The following CEP112 variants were observed in gnomAD, a reference collection of about 807,000 sequenced individuals.
CEP112 encodes the protein centrosomal protein 112.
CEP112 carries 127 observed loss-of-function variants against 153.0 expected under a neutral mutation model. The ratio of observed to expected loss-of-function variants is 0.83; its 90% confidence interval spans 0.72 to 0.96. The LOEUF is 0.96. Among genes scored for constraint, CEP112 ranks in the 40% least tolerant of loss-of-function variants. CEP112 has a pLI of 0.00. For synonymous variants in CEP112, 358 were observed against 374.4 expected (o/e 0.96, Z 0.51); for missense variants, 1,089 against 1,101.2 (o/e 0.99, Z 0.16).
At chr17:65,781,658 A>G (rs1484825505) in intron 21 of CEP112, among the ~76,000 whole-genome samples, 1 of 152,206 alleles carries the variant, frequency 6.6e-6, no homozygotes, top group Non-Finnish European at 1.5e-5. Flanking sequence ...AAACAGACAC[A>G]TCGATTCATG....
intron 24 of CEP112, among the ~76,000 whole-genome samples, chr17:65,659,901 G>T (rs2046258141): frequency 2.6e-5 from 4 of 152,186 alleles, no homozygotes; most frequent in Admixed American, 2.6e-4. Context: ...GGACATTGAA[G>T]AATGAGTAGG....
chr17:65,840,891 A>G (rs1598747912), intron 21 of CEP112, among the ~76,000 whole-genome samples: 1 of 152,118 alleles, frequency 6.6e-6, no homozygotes, highest in South Asian at 2.1e-4. Flanking sequence ...CCAACAGGGC[A>G]TGTGAAAAAA....
chr17:65,756,553 G>C (rs1438865892), intron 21 of CEP112, among the ~76,000 whole-genome samples: 1 of 151,934 alleles, frequency 6.6e-6, no homozygotes, highest in Non-Finnish European at 1.5e-5. Context: ...GATCACAGTA[G>C]TTTGGCAACA....
chr17:65,795,192 C>T (rs2054840051), intron 21 of CEP112, among the ~76,000 whole-genome samples: 1 of 152,152 alleles, frequency 6.6e-6, no homozygotes, highest in South Asian at 2.1e-4. Flanking sequence ...GAAGCCAGGT[C>T]AGCCAGTCTC....
chr17:65,828,778 T>C (rs1430443037), intron 21 of CEP112, among the ~76,000 whole-genome samples: 1 of 152,126 alleles, frequency 6.6e-6, no homozygotes, highest in East Asian at 1.9e-4. Flanking sequence ...AAAATCCATG[T>C]GATTATGATG....
intron 21 of CEP112, among the ~76,000 whole-genome samples, chr17:65,824,497 T>G (rs1260584658): frequency 6.6e-6 from 1 of 152,224 alleles, no homozygotes; most frequent in Non-Finnish European, 1.5e-5. Flanking sequence ...TGTCAAAACT[T>G]GCAGAACTGC....
chr17:66,036,838 A>T (rs2065761031), intron 12 of CEP112, among the ~76,000 whole-genome samples: 1 of 152,234 alleles, frequency 6.6e-6, no homozygotes, highest in Non-Finnish European at 1.5e-5. Context: ...TCATTTCAAA[A>T]CATAAAGTAA....
chr17:65,649,185 CA>C (rs1482485956), intron 24 of CEP112, among the ~76,000 whole-genome samples: 1 of 151,482 alleles, frequency 6.6e-6, no homozygotes, highest in Non-Finnish European at 1.5e-5. Context: ...TATAATAAAA[CA>C]AAAACTAAGA....
intron 10 of CEP112, among the ~76,000 whole-genome samples, chr17:66,064,871 C>A (rs1418123499): frequency 6.6e-6 from 1 of 151,988 alleles, no homozygotes; most frequent in African/African-American, 2.4e-5. Context: ...GAGAAAAAAC[C>A]TAAACGAATT....
intron 21 of CEP112, among the ~76,000 whole-genome samples, chr17:65,758,094 C>G (rs542515317): frequency 6.6e-6 from 1 of 152,218 alleles, no homozygotes; most frequent in African/African-American, 2.4e-5. Context: ...TCGCAAGTAG[C>G]TGGGATTACA....
chr17:65,999,816 C>T lies in CEP112; in HGVS notation c.1736+5874G>A, dbSNP rs577795836. Reference sequence around the variant, plus strand: ...GCTCCCACTTATGAGTGACAACATGCGGTATTTGGTTTTCTGTTCCCGCAT... The same window carrying T: ...GCTCCCACTTATGAGTGACAACATGTGGTATTTGGTTTTCTGTTCCCGCAT... On this transcript the variant is annotated intron_variant, in intron 17 of 26. Transcript: ENST00000535342. 3.7e-4 allele frequency among the ~76,000 whole-genome samples: 57 copies of T among 152,092 alleles called. No individual in the cohort carries two copies. The South Asian group carries it at 9.6e-3, about 26-fold the overall frequency.
chr17:66,176,954 A>T lies in CEP112; in HGVS notation c.173T>A (p.Met58Lys), dbSNP rs1166737439. ...ATACAGGTTCCGATTCTTCCTCCCC[A>T]TTATTCCTGCACCTGTTCCTGAAGG... is the stretch of plus-strand genomic sequence containing the variant. The part of the protein sequence containing the change: ...CEPSGTGAGI[M>K]GRKNRNLYAK... Residue 58 changes from methionine (M) to lysine (K), a missense_variant, in exon 3 of 27, where the codon ATG becomes AAG. By Grantham distance (95) the Met-to-Lys change is moderately conservative. Coordinates refer to ENST00000535342, the MANE Select transcript of CEP112 (RefSeq NM_001199165.4). 6.2e-7 allele frequency: 1 copy of T among 1,613,806 alleles called. No individual in the cohort carries two copies. The highest frequency in any genetic ancestry group is 8.5e-7 in the Non-Finnish European group (1 of 1,179,900).
intron 18 of CEP112, among the ~76,000 whole-genome samples, chr17:65,940,544 T>C (rs2144468286): frequency 6.6e-6 from 1 of 152,296 alleles, no homozygotes; most frequent in East Asian, 1.9e-4. Flanking sequence ...TATCTTGGAA[T>C]ACTATTCAGC....
chr17:65,818,734 C>G (rs2056392603), intron 21 of CEP112, among the ~76,000 whole-genome samples: 1 of 151,748 alleles, frequency 6.6e-6, no homozygotes, highest in South Asian at 2.1e-4. Context: ...ATTCAAATAG[C>G]AGGAATTCAA....
chr17:65,770,230 T>C, intron 21 of CEP112, among the ~76,000 whole-genome samples: 1 of 150,902 alleles, frequency 6.6e-6, no homozygotes, highest in East Asian at 1.9e-4. Flanking sequence ...AGAAAAGAAA[T>C]AAATATAAAA....
intron 21 of CEP112, among the ~76,000 whole-genome samples, chr17:65,801,323 G>C (rs576774421): frequency 6.6e-6 from 1 of 152,240 alleles, no homozygotes; most frequent in African/African-American, 2.4e-5. Context: ...CTCCCAAACT[G>C]TTGGGATTAC....
rs777476554 is a variant in CEP112 at position 65,961,528 on chromosome 17, G to C, written c.1807C>G (p.Leu603Val). 1.7e-5 allele frequency: 28 copies of C among 1,613,520 alleles called. No individual in the cohort carries two copies. The highest frequency in any genetic ancestry group is 1.6e-4 in the Middle Eastern group (1 of 6,074). The change falls in exon 18 of 27, where the codon CTG becomes GTG. Residue 603 changes from leucine to valine, a missense_variant. Physicochemically the swap from Leu to Val is conservative, Grantham distance 32. Transcript: ENST00000535342. ...TCCACCTGCCGCTTAAACTCTTCCA[G>C]AGCGGCATCTGCCTGCTGGGCCTGC... ...RLQAQQADAALEEFKRQVELN... is the reference protein window; with the variant it reads ...RLQAQQADAAVEEFKRQVELN...
chr17:65,866,741 C>T (rs1230991560), intron 20 of CEP112, among the ~76,000 whole-genome samples: 1 of 152,112 alleles, frequency 6.6e-6, no homozygotes, highest in Non-Finnish European at 1.5e-5. Flanking sequence ...ATTGGGACAA[C>T]CTGCCTGCAG....
intron 18 of CEP112, among the ~76,000 whole-genome samples, chr17:65,932,988 C>T (rs1036386882): frequency 5.9e-5 from 9 of 152,068 alleles, no homozygotes; most frequent in Admixed American, 2.0e-4. Context: ...GACAAAGGAA[C>T]GGAAATTATT....
Sources: allele counts gnomAD v4.1 joint callset (sites outside exome capture counted in the v4.1 genomes callset), GRCh38; gene constraint gnomAD v4.1.1; transcripts MANE v1.5; gene names NCBI Gene and HGNC (gene_info 2026-07-23, HGNC 2026-07-21).